The following KCNN3 variants were observed in gnomAD, a reference collection of about 807,000 sequenced individuals.
The protein encoded by KCNN3 is small conductance calcium-activated potassium channel protein 3.
Under a neutral mutation model 62.9 loss-of-function variants are expected in KCNN3, and 16 were observed. The ratio of observed to expected loss-of-function variants is 0.25; its 90% CI spans 0.17 to 0.39. The LOEUF (loss-of-function observed/expected upper bound fraction) is 0.39, where lower values mean the gene tolerates loss of function less well. Among genes scored for constraint, KCNN3 ranks in the 10% least tolerant of loss-of-function variants. The pLI, the probability that KCNN3 is intolerant of heterozygous loss-of-function variation, is 1.00. For missense variants in KCNN3, 599 were observed against 949.4 expected (o/e 0.63, Z 4.85); for synonymous variants, 370 against 389.2 (o/e 0.95, Z 0.58).
At chr1:154,741,960 A>G (rs1434840078) in intron 3 of KCNN3, among the ~76,000 whole-genome samples, 1 of 152,232 alleles carries the variant, frequency 6.6e-6, no homozygotes, top group Non-Finnish European at 1.5e-5. Context: ...GAAGCCAACA[A>G]CACGTACCTG....
At chr1:154,714,566 TG>T (rs1700187162) in intron 6 of KCNN3, among the ~76,000 whole-genome samples, 1 of 58,432 alleles carries the variant, frequency 1.7e-5, no homozygotes, top group Admixed American at 2.1e-4. Context: ...GGTGTGTGTG[TG>T]GTGTGTGTGT....
chr1:154,751,568 G>A (rs1647381436), intron 3 of KCNN3, among the ~76,000 whole-genome samples: 1 of 152,132 alleles, frequency 6.6e-6, no homozygotes, highest in South Asian at 2.1e-4. Flanking sequence ...GGACACCTGG[G>A]GTGCCTGAAA....
At chr1:154,711,370 C>T (rs1571200103) in intron 7 of KCNN3, among the ~76,000 whole-genome samples, 1 of 147,452 alleles carries the variant, frequency 6.8e-6, no homozygotes, top group Admixed American at 6.7e-5. Flanking sequence ...GGAGGGATAG[C>T]ATTAGGAGAT....
At chr1:154,716,639 A>G (rs1249082498) in intron 5 of KCNN3, among the ~76,000 whole-genome samples, 1 of 152,260 alleles carries the variant, frequency 6.6e-6, no homozygotes, top group Non-Finnish European at 1.5e-5. Flanking sequence ...TGTCTAAGGG[A>G]CATAAATATT....
rs187752618 is a variant in KCNN3, at chr1:154,815,013, C to T, written c.1029+7076G>A. ...GGATGTAAACCTGGCAGAGGAGGCC[C>T]CCATCTGGAATTTCCTTGTCAAGGT... is the stretch of plus-strand genomic sequence containing the variant. On this transcript the variant is annotated intron_variant, in intron 2 of 7. Coordinates refer to ENST00000271915, the MANE Select transcript of KCNN3 (RefSeq NM_002249.6). Among the ~76,000 whole-genome samples the T allele has an allele frequency of 3.2e-3, 494 of 152,310 alleles. 2 individuals are homozygous for T. Among genetic ancestry groups the T allele is most frequent in the Middle Eastern group, 0.02 (6 of 294 alleles).
chr1:154,809,897 G>A lies in KCNN3; in HGVS notation c.1029+12192C>T, dbSNP rs1348901875. On this transcript the variant is annotated intron_variant, in intron 2 of 7. Transcript: ENST00000271915. This position sits in a 1 kb window ranked among gnomAD's most constrained non-coding sequence, Gnocchi z 4.3. ...CCATGAAAGCTAAAAGTCACTGGCT[G>A]TCTTTGGCTGCAGTAACAAAGTGAG... Among the ~76,000 whole-genome samples, 3 of 152,226 alleles carry A rather than the reference G, an allele frequency of 2.0e-5. No individual in the cohort carries two copies. Among genetic ancestry groups the A allele is most frequent in the African/African-American group, 7.2e-5 (3 of 41,456 alleles).
rs548104708 is a variant in KCNN3 at position 154,858,652 on chromosome 1, G to A, written c.933+10380C>T. Among the ~76,000 whole-genome samples the A allele has an allele frequency of 3.3e-5, 5 of 152,278 alleles. No homozygotes were observed. In the East Asian group the frequency reaches 7.7e-4, roughly 23 times the overall value. Reference sequence around the variant, plus strand: ...GAGGGATGGGAGAAACAAAAAGAGAGGAAGAACTAAAACCAGGAATTCCAG... The same window carrying A: ...GAGGGATGGGAGAAACAAAAAGAGAAGAAGAACTAAAACCAGGAATTCCAG... On this transcript the variant is annotated intron_variant, in intron 1 of 7. Transcript: ENST00000271915.
chr1:154,742,441 C>A (rs992833298), intron 3 of KCNN3, among the ~76,000 whole-genome samples: 1 of 152,214 alleles, frequency 6.6e-6, no homozygotes, highest in African/African-American at 2.4e-5. Context: ...TCAGTCTTCC[C>A]ACCTGTAAAA....
intron 2 of KCNN3, among the ~76,000 whole-genome samples, chr1:154,800,004 A>T (rs1282797714): frequency 1.3e-5 from 2 of 152,196 alleles, no homozygotes; most frequent in African/African-American, 4.8e-5. Flanking sequence ...GGCCACATTC[A>T]TCCACTCACA....
intron 5 of KCNN3, among the ~76,000 whole-genome samples, chr1:154,716,446 C>G (rs568374889): frequency 6.6e-6 from 1 of 152,334 alleles, no homozygotes; most frequent in South Asian, 2.1e-4. Context: ...CTTCTTCAGA[C>G]TGACATCAAC....
rs1699776111 is a variant in KCNN3, at chr1:154,698,148, AG to A, written c.*9827del. ...TTTTTAGGTCTACCAACTTAGAAAAAGTCCCAGATATTACATACTCCTTCTA... is the reference window on the plus strand; with the variant it reads ...TTTTTAGGTCTACCAACTTAGAAAAATCCCAGATATTACATACTCCTTCTA... On this transcript the variant is annotated 3_prime_UTR_variant, in exon 8 of 8. Transcript: ENST00000271915. 6.6e-6 allele frequency: 1 copy of A among 152,196 alleles called. No homozygotes were observed. The highest frequency in any genetic ancestry group is 1.5e-5 in the Non-Finnish European group (1 of 68,038). The allele number at this position is 152,196 out of a possible 1,614,324, so 9.4% of individuals were successfully genotyped here.
chr1:154,790,123 C>T (rs547249838), intron 2 of KCNN3, among the ~76,000 whole-genome samples: 1 of 152,256 alleles, frequency 6.6e-6, no homozygotes, highest in Admixed American at 6.5e-5. Flanking sequence ...ACATATATGG[C>T]AACATATATG....
At chr1:154,787,188 A>T (rs572331617) in intron 2 of KCNN3, among the ~76,000 whole-genome samples, 2 of 152,376 alleles carry the variant, frequency 1.3e-5, no homozygotes, top group South Asian at 4.1e-4. Context: ...TATCGTAGGC[A>T]CTGAAAGCCG....
chr1:154,725,071 G>T (rs892618485), intron 5 of KCNN3, among the ~76,000 whole-genome samples: 1 of 152,042 alleles, frequency 6.6e-6, no homozygotes, highest in Non-Finnish European at 1.5e-5. Flanking sequence ...GGCCAGGATG[G>T]TCTCGATCTC....
chr1:154,742,118 G>A (rs1700833755), intron 3 of KCNN3, among the ~76,000 whole-genome samples: 1 of 152,216 alleles, frequency 6.6e-6, no homozygotes, highest in Non-Finnish European at 1.5e-5. Context: ...ACCGCTTCAG[G>A]GTTGCTGTGC....
intron 5 of KCNN3, among the ~76,000 whole-genome samples, chr1:154,715,351 G>A (rs1456797166): frequency 2.0e-5 from 3 of 146,688 alleles, no homozygotes; most frequent in Non-Finnish European, 4.5e-5. Context: ...CAAGAGAATC[G>A]CTTGAACCTG....
chr1:154,798,038 C>T (rs962114958), intron 2 of KCNN3, among the ~76,000 whole-genome samples: 2 of 152,162 alleles, frequency 1.3e-5, no homozygotes, highest in Non-Finnish European at 2.9e-5. Flanking sequence ...CTGGAGCCTC[C>T]ATTTGTAACT....
At chr1:154,804,950 G>A (rs1334496140) in intron 2 of KCNN3, among the ~76,000 whole-genome samples, 1 of 152,086 alleles carries the variant, frequency 6.6e-6, no homozygotes, top group Non-Finnish European at 1.5e-5. Context: ...AAAACATAGT[G>A]AATTACATTT....
chr1:154,743,403 G>A lies in KCNN3; in HGVS notation c.1449-10259C>T, dbSNP rs181434748. On this transcript the variant is annotated intron_variant, in intron 3 of 7. Coordinates refer to ENST00000271915, the MANE Select transcript of KCNN3 (RefSeq NM_002249.6). Reference sequence around the variant, plus strand: ...TCCTGTATCCCTCAGAAAAAAAGCCGAAGTCCCCTGGGGCCCCCAACCTGG... The same window carrying A: ...TCCTGTATCCCTCAGAAAAAAAGCCAAAGTCCCCTGGGGCCCCCAACCTGG... Among the ~76,000 whole-genome samples, 174 of 152,212 alleles carry A rather than the reference G, an allele frequency of 1.1e-3. 1 individual carries two copies. The highest frequency in any genetic ancestry group is 3.9e-3 in the African/African-American group (161 of 41,538).
Sources: allele counts gnomAD v4.1 joint callset (sites outside exome capture counted in the v4.1 genomes callset), GRCh38; gene constraint gnomAD v4.1.1; non-coding constraint Gnocchi (gnomAD v3.1); transcripts MANE v1.5; gene names NCBI Gene and HGNC (gene_info 2026-07-23, HGNC 2026-07-21).